The following EYS variants were observed in gnomAD, a reference collection of about 807,000 sequenced individuals.
EYS encodes the protein protein eyes shut homolog.
EYS carries 250 observed loss-of-function variants against 282.1 expected under a neutral mutation model. That is an observed-to-expected ratio of 0.89 (90% CI 0.80 to 0.98). The LOEUF (loss-of-function observed/expected upper bound fraction) is 0.98. Among genes scored for constraint, EYS ranks in the 50% least tolerant of loss-of-function variants. The probability of loss-of-function intolerance (pLI) is 0.00; values close to 1 mark genes in which losing one functional copy is unlikely to be tolerated. For missense variants in EYS, 4,016 were observed against 3,709.0 expected (o/e 1.08, Z -2.15); for synonymous variants, 1,355 against 1,282.9 (o/e 1.06, Z -1.20).
intron 5 of EYS, among the ~76,000 whole-genome samples, chr6:65,405,943 G>C (rs933436524): frequency 6.6e-6 from 1 of 152,004 alleles, no homozygotes; most frequent in East Asian, 1.9e-4. Context: ...CCCAGGAGTG[G>C]AATTGCTGGA....
At chr6:65,047,889 A>G (rs1773148986) in intron 13 of EYS, among the ~76,000 whole-genome samples, 1 of 151,848 alleles carries the variant, frequency 6.6e-6, no homozygotes, top group Admixed American at 6.6e-5. Context: ...TGTGGAGACC[A>G]CTGCCTTAGG....
At chr6:64,476,112 T>TA (rs931584194) in intron 26 of EYS, among the ~76,000 whole-genome samples, 4 of 152,166 alleles carry the variant, frequency 2.6e-5, no homozygotes, top group African/African-American at 7.2e-5. Flanking sequence ...TTTCTATTTT[T>TA]AAAAAAAGAA....
At chr6:64,750,413 G>A (rs2149968961) in intron 22 of EYS, among the ~76,000 whole-genome samples, 1 of 53,244 alleles carries the variant, frequency 1.9e-5, no homozygotes, top group South Asian at 1.0e-3. Context: ...GCAAATAAGA[G>A]GGAAAGTAAA....
intron 35 of EYS, among the ~76,000 whole-genome samples, chr6:63,912,380 AC>A (rs1367384313): frequency 6.6e-6 from 1 of 152,220 alleles, no homozygotes; most frequent in Non-Finnish European, 1.5e-5. Context: ...AAAATAAAAA[AC>A]AGGTGAAATT....
chr6:64,543,190 T>C (rs1764742338), intron 26 of EYS, among the ~76,000 whole-genome samples: 1 of 152,138 alleles, frequency 6.6e-6, no homozygotes, highest in South Asian at 2.1e-4. Context: ...AATTATAAGT[T>C]ACCACAATAT....
chr6:64,487,166 T>G (rs2150503420), intron 26 of EYS, among the ~76,000 whole-genome samples: 3 of 151,118 alleles, frequency 2.0e-5, no homozygotes, highest in Middle Eastern at 6.8e-3. Context: ...AGAGAGACAG[T>G]TTGGAGTGCT....
rs1768338706 is a variant in EYS, at chr6:63,720,656, T to G, written c.9375A>C (p.Glu3125Asp). ...CATTGTATCCTTCTAATTTAATTAGTTCAATGTTTTTTGGTTCCTGAAAAA... is the reference window on the plus strand; with the variant it reads ...CATTGTATCCTTCTAATTTAATTAGGTCAATGTTTTTTGGTTCCTGAAAAA... ...VVFFQEPKNI[E>D]LIKLEGYNVY... Residue 3125 changes from glutamate to aspartate, a missense_variant, in exon 43 of 43, where the codon GAA (glutamate) becomes GAC (aspartate). Transcript: ENST00000503581. 2 of 1,538,042 alleles carry G rather than the reference T, an allele frequency of 1.3e-6. No homozygotes were observed. Among genetic ancestry groups the G allele is most frequent in the African/African-American group, 1.4e-5 (1 of 72,258 alleles).
chr6:65,035,026 G>A (rs1040453374), intron 13 of EYS, among the ~76,000 whole-genome samples: 2 of 152,018 alleles, frequency 1.3e-5, no homozygotes, highest in Non-Finnish European at 2.9e-5. Flanking sequence ...AGTCAAGTAG[G>A]CCATATTCCT....
chr6:64,413,459 C>T (rs1040730176), intron 28 of EYS, among the ~76,000 whole-genome samples: 1 of 151,304 alleles, frequency 6.6e-6, no homozygotes, highest in African/African-American at 2.4e-5. Flanking sequence ...AGAGAACAGA[C>T]AAAATCTTCA....
Position 65,486,727 on chromosome 6 carries a change from A to C in EYS, c.862+3867T>G, listed in dbSNP as rs148270301. Among the ~76,000 whole-genome samples, 13 of 152,354 alleles carry C rather than the reference A, an allele frequency of 8.5e-5. No homozygotes were observed. In the South Asian group the frequency reaches 1.0e-3, roughly 12 times the overall value. Reference sequence around the variant, plus strand: ...ATAATGGAAATAAATTGAGAGAGTCAACAACTTTGCAGTATCTAAATTTAG... The same window carrying C: ...ATAATGGAAATAAATTGAGAGAGTCCACAACTTTGCAGTATCTAAATTTAG... On this transcript the variant is annotated intron_variant, in intron 5 of 42. Coordinates refer to ENST00000503581, the MANE Select transcript of EYS (RefSeq NM_001142800.2).
At chr6:65,400,574 T>C (rs1406271800) in intron 7 of EYS, among the ~76,000 whole-genome samples, 1 of 152,006 alleles carries the variant, frequency 6.6e-6, no homozygotes, top group Non-Finnish European at 1.5e-5. Flanking sequence ...AGGAATTTTC[T>C]GATTTTTAAC....
At chr6:64,504,078 T>C (rs1182677772) in intron 26 of EYS, among the ~76,000 whole-genome samples, 1 of 152,156 alleles carries the variant, frequency 6.6e-6, no homozygotes, top group Non-Finnish European at 1.5e-5. Flanking sequence ...ATTTTCTTCA[T>C]AAATTACACA....
intron 26 of EYS, among the ~76,000 whole-genome samples, chr6:64,459,440 T>A (rs925931142): frequency 6.6e-6 from 1 of 152,176 alleles, no homozygotes; most frequent in Non-Finnish European, 1.5e-5. Flanking sequence ...TATACTTATA[T>A]TTGAAGGGGA....
chr6:65,162,855 C>T (rs569998614), intron 12 of EYS, among the ~76,000 whole-genome samples: 34 of 151,040 alleles, frequency 2.3e-4, no homozygotes, highest in Admixed American at 5.3e-4. Flanking sequence ...CTTGGCCTAT[C>T]CAGTGAAAAT....
At chr6:64,636,338 G>T (rs1220163577) in intron 22 of EYS, among the ~76,000 whole-genome samples, 3 of 152,132 alleles carry the variant, frequency 2.0e-5, no homozygotes, top group African/African-American at 7.2e-5. Flanking sequence ...AAGAAATGAG[G>T]AAAGCGTTCC....
intron 12 of EYS, among the ~76,000 whole-genome samples, chr6:65,105,503 T>C (rs1472683988): frequency 1.3e-5 from 2 of 151,970 alleles, no homozygotes; most frequent in African/African-American, 4.8e-5. Flanking sequence ...ATTTAATTTT[T>C]ATTTAAGTAT....
chr6:64,022,593 A>G (rs1197768894), intron 33 of EYS, among the ~76,000 whole-genome samples: 1 of 129,058 alleles, frequency 7.7e-6, no homozygotes, highest in Non-Finnish European at 1.7e-5. Flanking sequence ...AACAGAGTTC[A>G]GAGCCAGAAA....
intron 12 of EYS, among the ~76,000 whole-genome samples, chr6:65,127,147 T>A (rs1256820766): frequency 6.6e-6 from 1 of 152,126 alleles, no homozygotes; most frequent in Non-Finnish European, 1.5e-5. Context: ...TGTGTGAAAA[T>A]GTGATAATTC....
At chr6:64,375,357 T>C (rs1161171757) in intron 29 of EYS, among the ~76,000 whole-genome samples, 4 of 152,246 alleles carry the variant, frequency 2.6e-5, no homozygotes, top group Non-Finnish European at 5.9e-5. Flanking sequence ...GCCATCAGAA[T>C]GTCATATGTT....
Sources: gnomAD v4.1 joint callset for allele counts (sites outside exome capture counted in the v4.1 genomes callset) on GRCh38, gnomAD v4.1.1 for gene constraint, MANE v1.5 for transcripts, NCBI Gene and HGNC (gene_info 2026-07-23, HGNC 2026-07-21) for gene names.